The following DPH6 variants were observed in gnomAD, a reference collection of about 807,000 sequenced individuals.
The protein encoded by DPH6 is diphthine--ammonia ligase.
DPH6 carries 33 observed loss-of-function variants against 38.2 expected under a neutral mutation model. That is an observed-to-expected ratio of 0.86 (90% confidence interval 0.65 to 1.15). The LOEUF (loss-of-function observed/expected upper bound fraction) is 1.15, where lower values mean the gene tolerates loss of function less well. Among genes scored for constraint, DPH6 ranks in the 50% most tolerant of loss-of-function variants. The pLI is 0.00. For missense variants in DPH6, 325 were observed against 320.0 expected (o/e 1.02, Z -0.12); for synonymous variants, 108 against 103.0 (o/e 1.05, Z -0.30).
At chr15:35,519,142 CT>C (rs1300777660) in intron 3 of DPH6, 1 of 151,512 alleles carries the variant, frequency 6.6e-6, no homozygotes, top group Non-Finnish European at 1.5e-5. Flanking sequence ...AAAAACTTAG[CT>C]ATCAATATAT....
intron 3 of DPH6, among the ~76,000 whole-genome samples, chr15:35,511,502 C>T (rs1362005580): frequency 6.6e-6 from 1 of 151,890 alleles, no homozygotes; most frequent in East Asian, 1.9e-4. Flanking sequence ...GAGAATGGAA[C>T]CATGAAACTG....
At chr15:35,507,881 ATATATATACACC>A (rs2054716251) in intron 3 of DPH6, among the ~76,000 whole-genome samples, 1 of 152,006 alleles carries the variant, frequency 6.6e-6, no homozygotes, top group Admixed American at 6.6e-5. Context: ...TATATAACCC[ATATATATACACC>A]TATATATACA....
chr15:35,389,885 T>C (rs1403916617), intron 6 of DPH6, among the ~76,000 whole-genome samples: 1 of 152,224 alleles, frequency 6.6e-6, no homozygotes, highest in Non-Finnish European at 1.5e-5. Context: ...CCTGTCATTA[T>C]GATGTTAGCT....
At chr15:35,522,499 A>T (rs1595440683) in intron 3 of DPH6, among the ~76,000 whole-genome samples, 1 of 152,132 alleles carries the variant, frequency 6.6e-6, no homozygotes, top group Non-Finnish European at 1.5e-5. Context: ...CAGCAAAAAA[A>T]TTAAGTAAAA....
intron 1 of DPH6, among the ~76,000 whole-genome samples, chr15:35,545,176 C>T (rs887289429): frequency 6.6e-6 from 1 of 152,226 alleles, no homozygotes; most frequent in Non-Finnish European, 1.5e-5. Flanking sequence ...AAAGCAAGCA[C>T]ATCGTTGCAC....
intron 3 of DPH6, among the ~76,000 whole-genome samples, chr15:35,516,070 A>G (rs1268120528): frequency 6.6e-6 from 1 of 152,218 alleles, no homozygotes; most frequent in Non-Finnish European, 1.5e-5. Context: ...AGCCCAAAGC[A>G]GACATACTGA....
chr15:35,264,857 T>G (rs1446759418), intron 3 of DPH6, among the ~76,000 whole-genome samples: 2 of 152,016 alleles, frequency 1.3e-5, no homozygotes, highest in African/African-American at 4.8e-5. Context: ...AAAGGTAGAG[T>G]GCCTAACTCT....
At chr15:35,352,279 C>T (rs2140892994) in intron 3 of DPH6, among the ~76,000 whole-genome samples, 1 of 151,682 alleles carries the variant, frequency 6.6e-6, no homozygotes, top group East Asian at 1.9e-4. Flanking sequence ...TAATGAACTC[C>T]TTCAATTTTT....
At chr15:35,473,917 T>A (rs886354113) in intron 3 of DPH6, among the ~76,000 whole-genome samples, 4 of 49,722 alleles carry the variant, frequency 8.0e-5, no homozygotes, top group Non-Finnish European at 1.3e-4. Context: ...GTGCACAGTG[T>A]GTGTGTGTGT....
At chr15:35,314,951 AG>A (rs2052175867) in intron 3 of DPH6, among the ~76,000 whole-genome samples, 4 of 152,104 alleles carry the variant, frequency 2.6e-5, no homozygotes, top group Admixed American at 2.0e-4. Flanking sequence ...CACCAAAAAA[AG>A]GTCACGGTCA....
chr15:35,506,956 GA>G (rs5811858), intron 3 of DPH6, among the ~76,000 whole-genome samples: 136,146 of 151,894 alleles, frequency 0.9, 61,152 homozygotes, highest in East Asian at 1. Flanking sequence ...CAGTGTCAGA[GA>G]AAAAAAAAGG....
chr15:35,304,117 A>T (rs2052072155), intron 3 of DPH6, among the ~76,000 whole-genome samples: 1 of 152,126 alleles, frequency 6.6e-6, no homozygotes, highest in African/African-American at 2.4e-5. Context: ...ATTTGATTAA[A>T]TGATATATTT....
chr15:35,249,519 A>G (rs1001356238), intron 3 of DPH6, among the ~76,000 whole-genome samples: 1 of 152,170 alleles, frequency 6.6e-6, no homozygotes, highest in African/African-American at 2.4e-5. Flanking sequence ...ATATTATTCT[A>G]TGTCGAATTC....
the DPH6 span, among the ~76,000 whole-genome samples, chr15:35,163,529 A>C: frequency 6.6e-6 from 1 of 151,964 alleles, no homozygotes; most frequent in South Asian, 2.1e-4. Context: ...AGAATAAGCT[A>C]ATGCATATTT....
At chr15:35,445,614 T>C (rs539727720) in intron 5 of DPH6, among the ~76,000 whole-genome samples, 2 of 152,238 alleles carry the variant, frequency 1.3e-5, no homozygotes, top group South Asian at 2.1e-4. Context: ...GAAATACATG[T>C]AGCTGTTCAT....
chr15:35,154,006 T>C, the DPH6 span, among the ~76,000 whole-genome samples: 24,832 of 152,154 alleles, frequency 0.16, 2,474 homozygotes, highest in East Asian at 0.34. Flanking sequence ...TGGTTCATCT[T>C]ACCTAGATCT....
At chr15:35,336,133 G>C (rs536547623) in intron 3 of DPH6, among the ~76,000 whole-genome samples, 1 of 152,100 alleles carries the variant, frequency 6.6e-6, no homozygotes, top group Non-Finnish European at 1.5e-5. Context: ...TATTCTTTTT[G>C]TAGCAATTGT....
chr15:35,510,051 A>C (rs2054747206), intron 3 of DPH6, among the ~76,000 whole-genome samples: 1 of 152,168 alleles, frequency 6.6e-6, no homozygotes, highest in Admixed American at 6.6e-5. Flanking sequence ...CCCTGTCTCT[A>C]CAAAAAATTA....
intron 6 of DPH6, among the ~76,000 whole-genome samples, chr15:35,389,647 G>A (rs2053024828): frequency 6.6e-6 from 1 of 152,080 alleles, no homozygotes; most frequent in Admixed American, 6.5e-5. Context: ...TGTTTTATCA[G>A]AGACTAGGAT....
Sources: allele counts gnomAD v4.1 joint callset (sites outside exome capture counted in the v4.1 genomes callset), GRCh38; gene constraint gnomAD v4.1.1; transcripts MANE v1.5; gene names NCBI Gene and HGNC (gene_info 2026-07-23, HGNC 2026-07-21).